The following MMP16 variants were observed in gnomAD, a reference collection of about 807,000 sequenced individuals.
The protein encoded by MMP16 is matrix metalloproteinase-16.
In MMP16, 12 loss-of-function variants were observed where a neutral mutation model predicts 67.8. The observed-to-expected ratio is 0.18, with a 90% CI of 0.11 to 0.29. The LOEUF (loss-of-function observed/expected upper bound fraction) is 0.29. Ranked by LOEUF, MMP16 falls within the 10% of genes least tolerant of loss-of-function variation. The pLI, the probability that MMP16 is intolerant of heterozygous loss-of-function variation, is 1.00. For missense variants in MMP16, 475 were observed against 765.7 expected, an observed-to-expected ratio of 0.62 and a Z score of 4.48; for synonymous variants, 249 against 255.9, an observed-to-expected ratio of 0.97 and a Z score of 0.26.
intron 1 of MMP16, among the ~76,000 whole-genome samples, chr8:88,207,713 G>T (rs893504410): frequency 1.3e-5 from 2 of 150,564 alleles, no homozygotes; most frequent in Non-Finnish European, 3.0e-5. Context: ...AAAAAAGAAA[G>T]AAAGAAAGAT....
chr8:88,040,706 G>A lies in MMP16; in HGVS notation c.*755C>T, dbSNP rs545094190. ...TTTGAAAATAGCTATGAATATAAAT[G>A]CGATGAAACACTGAGGACATAGCTG... On this transcript the variant is annotated 3_prime_UTR_variant, in exon 10 of 10. Coordinates refer to ENST00000286614, the MANE Select transcript of MMP16 (RefSeq NM_005941.5). 6.5e-6 allele frequency: 1 copy of A among 152,712 alleles called. No homozygotes were observed. Among genetic ancestry groups the A allele is most frequent in the South Asian group, 2.1e-4 (1 of 4,828 alleles). 9.5% of individuals were successfully genotyped at this position (152,712 alleles called of 1,614,324 possible).
rs559639170 is a variant in MMP16, at chr8:88,268,726, C to G, written c.132+58349G>C. Reference sequence around the variant, plus strand: ...CAAAGGTTTTGATTTTCCTCCCAACCATATGACAGACATCTATACGGATGC... The same window carrying G: ...CAAAGGTTTTGATTTTCCTCCCAACGATATGACAGACATCTATACGGATGC... On this transcript the variant is annotated intron_variant, in intron 1 of 9. Transcript: ENST00000286614. Among the ~76,000 whole-genome samples the G allele has an allele frequency of 2.0e-5, 3 of 152,338 alleles. No individual in the cohort carries two copies. The East Asian group carries it at 5.8e-4, about 29-fold the overall frequency.
At chr8:88,260,043 A>G (rs1397295650) in intron 1 of MMP16, among the ~76,000 whole-genome samples, 2 of 152,218 alleles carry the variant, frequency 1.3e-5, no homozygotes, top group African/African-American at 4.8e-5. Context: ...GTGAAAAGCT[A>G]CATATTCAAA....
chr8:88,285,005 A>G (rs1810804807), intron 1 of MMP16, among the ~76,000 whole-genome samples: 1 of 152,026 alleles, frequency 6.6e-6, no homozygotes, highest in Admixed American at 6.6e-5. Flanking sequence ...ATATTCTCTC[A>G]TAACTGGTTT....
At chr8:88,323,297 T>C (rs1415307066) in intron 1 of MMP16, among the ~76,000 whole-genome samples, 1 of 152,204 alleles carries the variant, frequency 6.6e-6, no homozygotes, top group Non-Finnish European at 1.5e-5. Context: ...CAAATTTATA[T>C]GCAATACAAA....
At chr8:88,231,331 T>C (rs1346528721) in intron 1 of MMP16, among the ~76,000 whole-genome samples, 1 of 152,180 alleles carries the variant, frequency 6.6e-6, no homozygotes, top group African/African-American at 2.4e-5. Context: ...CTTTATTCAA[T>C]AGATTTCTAG....
At chr8:88,162,621 C>T (rs1248270977) in intron 4 of MMP16, among the ~76,000 whole-genome samples, 2 of 152,000 alleles carry the variant, frequency 1.3e-5, no homozygotes, top group African/African-American at 4.8e-5. Flanking sequence ...TCGTAAATAT[C>T]CAGTTGGTAT....
chr8:88,275,971 G>A (rs1810643259), intron 1 of MMP16, among the ~76,000 whole-genome samples: 2 of 151,900 alleles, frequency 1.3e-5, no homozygotes. Context: ...GCAAATAGTA[G>A]GATTTTAAAG....
In MMP16 at chr8:88,263,244, TA is replaced by T. The variant is rs200899237; in HGVS notation, c.132+63830del. ...AACATAACATAAAGATGCAATTTCCTAAAAAAAAAATTCAATTTTTTCTTCC... is the reference window on the plus strand; with the variant it reads ...AACATAACATAAAGATGCAATTTCCTAAAAAAAAATTCAATTTTTTCTTCC... On this transcript the variant is annotated intron_variant, in intron 1 of 9. Coordinates refer to ENST00000286614, the MANE Select transcript of MMP16 (RefSeq NM_005941.5). 9.7e-3 allele frequency among the ~76,000 whole-genome samples: 1,452 copies of T among 149,462 alleles called. 27 individuals are homozygous for T. Among genetic ancestry groups the T allele is most frequent in the African/African-American group, 0.032 (1,317 of 40,850 alleles).
At chr8:88,079,892 G>A (rs1350621595) in intron 6 of MMP16, among the ~76,000 whole-genome samples, 1 of 152,144 alleles carries the variant, frequency 6.6e-6, no homozygotes, top group African/African-American at 2.4e-5. Context: ...CTGGTGCCTT[G>A]ACCTTAGACT....
chr8:88,235,912 A>C (rs941758836), intron 1 of MMP16, among the ~76,000 whole-genome samples: 1 of 152,166 alleles, frequency 6.6e-6, no homozygotes, highest in South Asian at 2.1e-4. Flanking sequence ...CCTAAAAAAA[A>C]AAAAGTTTCA....
rs569436760 is a variant in MMP16, at chr8:88,159,866, C to A, written c.709+7803G>T. On this transcript the variant is annotated intron_variant, in intron 4 of 9. Transcript: ENST00000286614. Reference sequence around the variant, plus strand: ...AGGGCTGTTGAATTTTGTCAAAGGCCTTTTCTGCATCTATTGAGATAATCA... The same window carrying A: ...AGGGCTGTTGAATTTTGTCAAAGGCATTTTCTGCATCTATTGAGATAATCA... Among the ~76,000 whole-genome samples the A allele has an allele frequency of 4.5e-4, 68 of 151,644 alleles. 1 individual carries two copies. In the South Asian group the frequency reaches 0.014, roughly 31 times the overall value.
At position 88,039,702 on chromosome 8, in the gene MMP16, T is replaced by C. The variant is rs1050652641; in HGVS notation, c.*1759A>G. ...GCCAATGTCTGACTCATGGGGTGCA[T>C]TCATTCTGACCATCTCTAATAAGTT... On this transcript the variant is annotated 3_prime_UTR_variant, in exon 10 of 10. Coordinates refer to ENST00000286614, the MANE Select transcript of MMP16 (RefSeq NM_005941.5). This position sits in a 1 kb window ranked among gnomAD's most constrained non-coding sequence, Gnocchi z 4.5. The C allele has an allele frequency of 6.6e-6, 1 of 152,642 alleles. No individual in the cohort carries two copies. Among genetic ancestry groups the C allele is most frequent in the Non-Finnish European group, 1.5e-5 (1 of 68,052 alleles). 9.5% of individuals were successfully genotyped at this position (152,642 alleles called of 1,614,324 possible).
intron 1 of MMP16, among the ~76,000 whole-genome samples, chr8:88,213,047 AT>A (rs539017166): frequency 4.1e-4 from 63 of 152,246 alleles, no homozygotes; most frequent in African/African-American, 1.5e-3. Flanking sequence ...GGTTGAAAGC[AT>A]TTTTTTGTAT....
At position 88,046,688 on chromosome 8, in the gene MMP16, T is replaced by G; in HGVS notation, c.1470A>C (p.Ala490=). 4.4e-6 allele frequency: 7 copies of G among 1,602,978 alleles called. No individual in the cohort carries two copies. The highest frequency in any genetic ancestry group is 6.0e-6 in the Non-Finnish European group (7 of 1,175,998). Residue 490 remains alanine, a synonymous_variant, in exon 9 of 10, where the codon GCA becomes GCC. Coordinates refer to ENST00000286614, the MANE Select transcript of MMP16 (RefSeq NM_005941.5). ...GCATACCATTTTCTTTGTGTACAAA[T>G]GCTCCCTGAGGAGATTCAGGGATCC... ...WKGIPESPQG[A]FVHKENGFTY...
At chr8:88,154,906 A>G (rs989267072) in intron 4 of MMP16, among the ~76,000 whole-genome samples, 7 of 151,736 alleles carry the variant, frequency 4.6e-5, no homozygotes, top group Non-Finnish European at 8.8e-5. Context: ...TACGTGTATT[A>G]TATATCTATT....
At chr8:88,244,999 G>A (rs1404356368) in intron 1 of MMP16, among the ~76,000 whole-genome samples, 1 of 152,010 alleles carries the variant, frequency 6.6e-6, no homozygotes, top group Non-Finnish European at 1.5e-5. Context: ...ATTGAGGTCG[G>A]GTAGGGGCAG....
chr8:88,153,355 GA>G (rs1192959993), intron 4 of MMP16, among the ~76,000 whole-genome samples: 1 of 151,882 alleles, frequency 6.6e-6, no homozygotes, highest in Non-Finnish European at 1.5e-5. Context: ...CACAGAATTG[GA>G]AAAAACTACT....
intron 6 of MMP16, among the ~76,000 whole-genome samples, chr8:88,112,666 G>GGT (rs6150692): frequency 4.8e-5 from 7 of 146,790 alleles, no homozygotes; most frequent in South Asian, 2.2e-4. Context: ...AGGACAGAAG[G>GGT]GTGTGTGTGT....
Sources: allele counts gnomAD v4.1 joint callset (sites outside exome capture counted in the v4.1 genomes callset), GRCh38; gene constraint gnomAD v4.1.1; non-coding constraint Gnocchi (gnomAD v3.1); transcripts MANE v1.5; gene names NCBI Gene and HGNC (gene_info 2026-07-23, HGNC 2026-07-21).